The following PARD3B variants were observed in gnomAD, a reference collection of about 807,000 sequenced individuals.
PARD3B encodes partitioning defective 3 homolog B.
PARD3B carries 103 observed loss-of-function variants against 130.2 expected under a neutral mutation model. The ratio of observed to expected loss-of-function variants is 0.79; its 90% CI spans 0.67 to 0.93. The LOEUF is 0.93. Ranked by LOEUF, PARD3B falls within the 40% of genes least tolerant of loss-of-function variation. The probability of loss-of-function intolerance (pLI) is 0.00; values close to 1 mark genes in which losing one functional copy is unlikely to be tolerated. For missense variants in PARD3B, 1,609 were observed against 1,499.2 expected, an observed-to-expected ratio of 1.07 and a Z score of -1.21; for synonymous variants, 583 against 553.2, an observed-to-expected ratio of 1.05 and a Z score of -0.76.
At chr2:204,608,579 A>T (rs1559182472) in intron 1 of PARD3B, among the ~76,000 whole-genome samples, 1 of 152,026 alleles carries the variant, frequency 6.6e-6, no homozygotes, top group Admixed American at 6.6e-5. Context: ...GAAAGCATAA[A>T]CTCTTTATTA....
At chr2:204,829,953 C>T (rs932449447) in intron 2 of PARD3B, among the ~76,000 whole-genome samples, 5 of 141,068 alleles carry the variant, frequency 3.5e-5, no homozygotes, top group Admixed American at 3.0e-4. Flanking sequence ...GAGCCGAGAT[C>T]GCGCCACTGC....
intron 18 of PARD3B, among the ~76,000 whole-genome samples, chr2:205,392,537 AT>A (rs1318472277): frequency 1.3e-5 from 2 of 152,232 alleles, no homozygotes; most frequent in African/African-American, 4.8e-5. Context: ...TAAATAACAT[AT>A]CAAAATTTAA....
intron 2 of PARD3B, among the ~76,000 whole-genome samples, chr2:204,732,562 T>G (rs954642726): frequency 6.6e-6 from 1 of 150,382 alleles, no homozygotes; most frequent in African/African-American, 2.4e-5. Context: ...TGGAGTGCAG[T>G]GGTGCAATCT....
At chr2:205,523,118 A>ATGAT (rs1277181246) in intron 21 of PARD3B, among the ~76,000 whole-genome samples, 13 of 151,190 alleles carry the variant, frequency 8.6e-5, no homozygotes, top group Admixed American at 2.6e-4. Context: ...TCTATCTGTT[A>ATGAT]TGATAACTGG....
At position 205,178,317 on chromosome 2, in the gene PARD3B, G is replaced by T. The variant is rs1429481517; in HGVS notation, c.1924+1740G>T. Among the ~76,000 whole-genome samples, 6 of 151,874 alleles carry T rather than the reference G, an allele frequency of 4.0e-5. No homozygotes were observed. The East Asian group carries it at 7.8e-4, about 20-fold the overall frequency. ...CTTTTCTCATCTTAAAGAAATTATG[G>T]TGGCAGGCACCTGTAGTCCCAGCTA... On this transcript the variant is annotated intron_variant, in intron 13 of 22. Coordinates refer to ENST00000406610, the MANE Select transcript of PARD3B (RefSeq NM_001302769.2).
chr2:204,969,706 A>G (rs775659705), intron 3 of PARD3B, among the ~76,000 whole-genome samples: 1 of 152,226 alleles, frequency 6.6e-6, no homozygotes, highest in Admixed American at 6.5e-5. Flanking sequence ...GTAGATTTCA[A>G]TTATCCATAT....
chr2:204,949,793 C>CT (rs1689616729), intron 2 of PARD3B, among the ~76,000 whole-genome samples: 1 of 152,110 alleles, frequency 6.6e-6, no homozygotes, highest in Non-Finnish European at 1.5e-5. Context: ...TAAATTAAGT[C>CT]TATCTTATTA....
chr2:204,583,017 A>G (rs890589633), intron 1 of PARD3B, among the ~76,000 whole-genome samples: 4 of 151,448 alleles, frequency 2.6e-5, no homozygotes, highest in Non-Finnish European at 5.9e-5. Context: ...ACACTTTTAC[A>G]CTGTTGGTGG....
rs536007030 is a variant in PARD3B, at chr2:204,706,281, C to T, written c.222+19999C>T. ...ACTCGGGAGGCTGAGGCAGGAGAAT[C>T]GCTTGAACCTAGGAGGCAGAGGTTG... On this transcript the variant is annotated intron_variant, in intron 2 of 22. Coordinates refer to ENST00000406610, the MANE Select transcript of PARD3B (RefSeq NM_001302769.2). 3.2e-3 allele frequency among the ~76,000 whole-genome samples: 480 copies of T among 151,242 alleles called. 1 individual carries two copies. The highest frequency in any genetic ancestry group is 0.011 in the African/African-American group (467 of 41,218).
At chr2:204,567,308 C>G (rs908702040) in intron 1 of PARD3B, among the ~76,000 whole-genome samples, 3 of 152,082 alleles carry the variant, frequency 2.0e-5, no homozygotes, top group African/African-American at 7.2e-5. Flanking sequence ...TCGCCACCAC[C>G]CACCTACAAA....
rs1442441564 is a variant in PARD3B at position 204,606,086 on chromosome 2, G to T, written c.120+59967G>T. Reference sequence around the variant, plus strand: ...GAGGGTTTTCAGTAGATGGAAACTGGAATTTTATATCTCATTTCACTGTGA... The same window carrying T: ...GAGGGTTTTCAGTAGATGGAAACTGTAATTTTATATCTCATTTCACTGTGA... On this transcript the variant is annotated intron_variant, in intron 1 of 22. Coordinates refer to ENST00000406610, the MANE Select transcript of PARD3B (RefSeq NM_001302769.2). The surrounding 1 kb of genome is among the most constrained non-coding windows in gnomAD (Gnocchi z 4.0). Among the ~76,000 whole-genome samples the T allele has an allele frequency of 2.0e-5, 3 of 152,132 alleles. No individual in the cohort carries two copies. Among genetic ancestry groups the T allele is most frequent in the African/African-American group, 7.2e-5 (3 of 41,422 alleles).
intron 2 of PARD3B, among the ~76,000 whole-genome samples, chr2:204,701,677 G>T (rs2037898919): frequency 6.6e-6 from 1 of 152,046 alleles, no homozygotes; most frequent in South Asian, 2.1e-4. Context: ...CAATTGAAAA[G>T]AATGAAAAGA....
At chr2:205,098,703 C>T (rs1042277458) in intron 4 of PARD3B, among the ~76,000 whole-genome samples, 1 of 152,048 alleles carries the variant, frequency 6.6e-6, no homozygotes, top group African/African-American at 2.4e-5. Context: ...CCTTAATCAC[C>T]CCTGGAGAGA....
chr2:204,755,669 A>C (rs192075480), intron 2 of PARD3B, among the ~76,000 whole-genome samples: 14 of 152,162 alleles, frequency 9.2e-5, no homozygotes, highest in Admixed American at 3.3e-4. Context: ...GAATATATTA[A>C]TTACATGCAT....
intron 16 of PARD3B, among the ~76,000 whole-genome samples, chr2:205,271,350 A>T (rs2040716133): frequency 6.6e-6 from 1 of 152,214 alleles, no homozygotes; most frequent in South Asian, 2.1e-4. Context: ...ACAGTGGATG[A>T]TGGTGGGACA....
At chr2:204,697,766 A>AT (rs1479615860) in intron 2 of PARD3B, among the ~76,000 whole-genome samples, 1 of 151,930 alleles carries the variant, frequency 6.6e-6, no homozygotes, top group East Asian at 1.9e-4. Flanking sequence ...TGAAGCCCAT[A>AT]TGGTTCAGTG....
At chr2:205,062,167 A>G (rs763657246) in intron 4 of PARD3B, among the ~76,000 whole-genome samples, 53 of 152,072 alleles carry the variant, frequency 3.5e-4, no homozygotes, top group Non-Finnish European at 1.2e-4. Context: ...CCCTTTTCTG[A>G]AACTCTACTT....
intron 2 of PARD3B, among the ~76,000 whole-genome samples, chr2:204,810,830 G>T (rs1468175014): frequency 6.6e-6 from 1 of 152,026 alleles, no homozygotes; most frequent in African/African-American, 2.4e-5. Context: ...TCATAAATTT[G>T]ATGGGGAGGA....
intron 20 of PARD3B, among the ~76,000 whole-genome samples, chr2:205,489,192 C>T (rs2049569455): frequency 6.6e-6 from 1 of 151,732 alleles, no homozygotes; most frequent in South Asian, 2.1e-4. Flanking sequence ...CTGTGACACC[C>T]ACATACTGTA....
Sources: gnomAD v4.1 joint callset for allele counts (sites outside exome capture counted in the v4.1 genomes callset) on GRCh38, gnomAD v4.1.1 for gene constraint, Gnocchi (gnomAD v3.1) non-coding constraint, MANE v1.5 for transcripts, NCBI Gene and HGNC (gene_info 2026-07-23, HGNC 2026-07-21) for gene names.